Variants in GALNT13 observed in about 807,000 individuals in gnomAD.
GALNT13 encodes polypeptide N-acetylgalactosaminyltransferase 13, also known as UDP-GalNAc:polypeptide N-acetylgalactosaminyltransferase 13.
A neutral mutation model predicts 64.2 loss-of-function variants in GALNT13; 28 were observed. That is an observed-to-expected ratio of 0.44 (90% CI 0.32 to 0.60). The LOEUF (loss-of-function observed/expected upper bound fraction) is 0.60, where lower values mean the gene tolerates loss of function less well. Among genes scored for constraint, GALNT13 ranks in the 20% least tolerant of loss-of-function variants. The pLI is 0.05. For missense variants in GALNT13, 577 were observed against 669.8 expected, an observed-to-expected ratio of 0.86 and a Z score of 1.53; for synonymous variants, 214 against 224.6, an observed-to-expected ratio of 0.95 and a Z score of 0.42.
the GALNT13 span, among the ~76,000 whole-genome samples, chr2:153,428,543 C>G: frequency 2.0e-5 from 3 of 152,276 alleles, no homozygotes; most frequent in South Asian, 4.1e-4. Context: ...TTGGAGGGAA[C>G]AAACATCCAA....
chr2:154,419,805 A>C (rs1473875732), intron 11 of GALNT13, among the ~76,000 whole-genome samples: 16 of 152,186 alleles, frequency 1.1e-4, no homozygotes, highest in Non-Finnish European at 5.9e-5. Flanking sequence ...AGGACACCAG[A>C]CCAAATTGGA....
At chr2:153,688,947 G>T in the GALNT13 span, among the ~76,000 whole-genome samples, 3 of 150,538 alleles carry the variant, frequency 2.0e-5, no homozygotes, top group Non-Finnish European at 4.4e-5. Context: ...TTCCTGTTGC[G>T]TATATACCGA....
At chr2:153,778,785 A>G in the GALNT13 span, among the ~76,000 whole-genome samples, 1 of 152,204 alleles carries the variant, frequency 6.6e-6, no homozygotes, top group South Asian at 2.1e-4. Flanking sequence ...GTTTTGTTAC[A>G]TGGGTATATT....
At chr2:153,469,690 G>C in the GALNT13 span, among the ~76,000 whole-genome samples, 36 of 152,112 alleles carry the variant, frequency 2.4e-4, no homozygotes. Flanking sequence ...TTCCAAGCAA[G>C]ATGGGTCATG....
intron 3 of GALNT13, among the ~76,000 whole-genome samples, chr2:154,107,791 A>G (rs1702704836): frequency 6.6e-6 from 1 of 151,960 alleles, no homozygotes. Context: ...TTCCTGTAAA[A>G]GCACTCTGTT....
At chr2:153,669,404 A>G in the GALNT13 span, among the ~76,000 whole-genome samples, 7 of 152,210 alleles carry the variant, frequency 4.6e-5, no homozygotes, top group African/African-American at 1.4e-4. Flanking sequence ...ATTGGGTATT[A>G]TGCTTATTAC....
At chr2:154,204,581 T>A (rs1248057082) in intron 4 of GALNT13, among the ~76,000 whole-genome samples, 1 of 152,212 alleles carries the variant, frequency 6.6e-6, no homozygotes, top group African/African-American at 2.4e-5. Context: ...TCCACAGAGT[T>A]GCCAAAGTTA....
At chr2:154,177,118 AT>A (rs1329502683) in intron 4 of GALNT13, among the ~76,000 whole-genome samples, 2 of 152,208 alleles carry the variant, frequency 1.3e-5, no homozygotes, top group Non-Finnish European at 2.9e-5. Flanking sequence ...ACTTAGAAAG[AT>A]TTTATATTAA....
the GALNT13 span, among the ~76,000 whole-genome samples, chr2:153,708,017 A>C: frequency 1.3e-5 from 2 of 152,110 alleles, no homozygotes; most frequent in African/African-American, 2.4e-5. Flanking sequence ...CAATGAGGAG[A>C]ATGGATTCAT....
At chr2:154,230,457 G>T (rs1045260922) in intron 4 of GALNT13, among the ~76,000 whole-genome samples, 2 of 151,926 alleles carry the variant, frequency 1.3e-5, no homozygotes, top group Non-Finnish European at 2.9e-5. Context: ...ACATTTACTT[G>T]GTGTTCTTTT....
At chr2:154,229,143 A>C (rs996074524) in intron 4 of GALNT13, among the ~76,000 whole-genome samples, 1 of 151,974 alleles carries the variant, frequency 6.6e-6, no homozygotes, top group Middle Eastern at 3.2e-3. Flanking sequence ...AAGAAAAAAA[A>C]ATGCTTCTCT....
the GALNT13 span, among the ~76,000 whole-genome samples, chr2:153,249,110 T>TA: frequency 6.6e-6 from 1 of 152,230 alleles, no homozygotes; most frequent in South Asian, 2.1e-4. Context: ...GCAGCTGACA[T>TA]AATTCCATAT....
At chr2:154,404,949 C>CA (rs778322785) in intron 10 of GALNT13, among the ~76,000 whole-genome samples, 3 of 147,326 alleles carry the variant, frequency 2.0e-5, no homozygotes, top group South Asian at 2.1e-4. Context: ...TGATCTTATG[C>CA]AAAAAAGGAA....
chr2:153,770,615 A>G, the GALNT13 span, among the ~76,000 whole-genome samples: 10 of 152,314 alleles, frequency 6.6e-5, no homozygotes, highest in East Asian at 1.9e-3. Context: ...GATCAAGTAT[A>G]TATTCATTTG....
At chr2:154,290,131 C>G (rs1332309298) in intron 8 of GALNT13, among the ~76,000 whole-genome samples, 1 of 152,146 alleles carries the variant, frequency 6.6e-6, no homozygotes, top group African/African-American at 2.4e-5. Flanking sequence ...AGATTTACTG[C>G]CGGGGCAAGT....
intron 4 of GALNT13, among the ~76,000 whole-genome samples, chr2:154,192,748 A>G (rs1686664992): frequency 6.6e-6 from 1 of 152,200 alleles, no homozygotes; most frequent in Non-Finnish European, 1.5e-5. Context: ...CTTGAAGGAC[A>G]AAGGTTTTCA....
Position 154,452,797 on chromosome 2 carries a change from CATTTA to C in GALNT13, c.*2251_*2255del, listed in dbSNP as rs1419894260. On this transcript the variant is annotated 3_prime_UTR_variant, in exon 13 of 13. Coordinates refer to ENST00000392825, the MANE Select transcript of GALNT13 (RefSeq NM_052917.4). Reference sequence around the variant, plus strand: ...TCCAACACTAGAAAGCAATGACTAACATTTAATTTGTTTACAAAAATGTTTATTGT... The same window carrying C: ...TCCAACACTAGAAAGCAATGACTAACATTTGTTTACAAAAATGTTTATTGT... The C allele has an allele frequency of 1.3e-5, 2 of 152,144 alleles. No individual in the cohort carries two copies. The highest frequency in any genetic ancestry group is 2.9e-5 in the Non-Finnish European group (2 of 68,022). The allele number at this position is 152,144 out of a possible 1,614,324, so 9.4% of individuals were successfully genotyped here. A position where few individuals can be genotyped will look rare whatever the true frequency, so the allele number is the denominator to read the frequency against.
chr2:153,336,953 A>T, the GALNT13 span, among the ~76,000 whole-genome samples: 5 of 152,130 alleles, frequency 3.3e-5, no homozygotes, highest in African/African-American at 1.2e-4. Context: ...TGATGGGTTT[A>T]TCAGGGGTTT....
At chr2:154,338,497 TGAA>T (rs1249616394) in intron 9 of GALNT13, among the ~76,000 whole-genome samples, 1 of 152,034 alleles carries the variant, frequency 6.6e-6, no homozygotes. Context: ...ATTACTATCT[TGAA>T]GGAGGAGTTT....
Sources: allele counts gnomAD v4.1 joint callset (sites outside exome capture counted in the v4.1 genomes callset), GRCh38; gene constraint gnomAD v4.1.1; transcripts MANE v1.5; gene names NCBI Gene and HGNC (gene_info 2026-07-23, HGNC 2026-07-21).